Variants in PDZRN3 observed in about 807,000 individuals in gnomAD.
PDZRN3 encodes the protein PDZ domain containing ring finger 3, also known as E3 ubiquitin-protein ligase PDZRN3.
In PDZRN3, 38 loss-of-function variants were observed where a neutral mutation model predicts 85.7. The observed-to-expected ratio is 0.44, with a 90% confidence interval of 0.34 to 0.58. PDZRN3 has a LOEUF of 0.58. Among genes scored for constraint, PDZRN3 ranks in the 20% least tolerant of loss-of-function variants. PDZRN3 has a pLI of 0.01. For synonymous variants in PDZRN3, 759 were observed against 638.0 expected (o/e 1.19, Z -2.86); for missense variants, 1,629 against 1,506.4 (o/e 1.08, Z -1.35).
At chr3:73,440,888 A>T (rs929254256) in intron 3 of PDZRN3, among the ~76,000 whole-genome samples, 1 of 152,102 alleles carries the variant, frequency 6.6e-6, no homozygotes, top group Non-Finnish European at 1.5e-5. Flanking sequence ...GACCAGGGGG[A>T]CGGTTCCTGA....
chr3:73,404,490 AAAAG>A (rs1559660097), intron 3 of PDZRN3, 95 bp from the exon 4 acceptor site: 4 of 1,338,730 alleles, frequency 3.0e-6, no homozygotes, highest in African/African-American at 1.5e-5. Flanking sequence ...GTAAGCAGCT[AAAAG>A]AAAGAAGCAG....
intron 3 of PDZRN3, among the ~76,000 whole-genome samples, chr3:73,489,965 G>T (rs1378183848): frequency 6.6e-6 from 1 of 152,126 alleles, no homozygotes; most frequent in African/African-American, 2.4e-5. Context: ...ACAAAATAAT[G>T]ATCTGATTTT....
intron 3 of PDZRN3, among the ~76,000 whole-genome samples, chr3:73,432,874 T>C (rs952895181): frequency 6.6e-6 from 1 of 152,164 alleles, no homozygotes; most frequent in Non-Finnish European, 1.5e-5. Context: ...AATCCTTACC[T>C]GCCAAGGTAG....
intron 3 of PDZRN3, among the ~76,000 whole-genome samples, chr3:73,417,139 A>C (rs908021321): frequency 1.3e-4 from 20 of 152,030 alleles, no homozygotes; most frequent in Non-Finnish European, 2.8e-4. Context: ...CTGGGATTAC[A>C]GGCATGAGCC....
chr3:73,448,772 C>A (rs1222233379), intron 3 of PDZRN3, among the ~76,000 whole-genome samples: 2 of 152,286 alleles, frequency 1.3e-5, no homozygotes, highest in East Asian at 1.9e-4. Context: ...TTTGTGGCTA[C>A]CCCTGAGGAT....
chr3:73,580,971 C>T (rs975792920), intron 3 of PDZRN3, among the ~76,000 whole-genome samples: 4 of 152,202 alleles, frequency 2.6e-5, no homozygotes, highest in African/African-American at 9.7e-5. Context: ...ACAACTTTGA[C>T]ATAACATACC....
chr3:73,495,753 A>G (rs1475238719), intron 3 of PDZRN3, among the ~76,000 whole-genome samples: 2 of 152,180 alleles, frequency 1.3e-5, no homozygotes, highest in Non-Finnish European at 2.9e-5. Context: ...GACTTTTATG[A>G]TATTGGCAAT....
At chr3:73,401,507 C>T (rs935752040) in intron 4 of PDZRN3, among the ~76,000 whole-genome samples, 8 of 152,044 alleles carry the variant, frequency 5.3e-5, no homozygotes, top group African/African-American at 1.9e-4. Context: ...TGAATGTTAC[C>T]CACAATAATA....
intron 3 of PDZRN3, among the ~76,000 whole-genome samples, chr3:73,500,359 TTTA>T (rs1166207378): frequency 2.0e-5 from 3 of 152,210 alleles, no homozygotes; most frequent in Admixed American, 6.5e-5. Flanking sequence ...GTCCTTATTA[TTTA>T]TTATTATTTT....
At chr3:73,411,813 G>A (rs1422277656) in intron 3 of PDZRN3, among the ~76,000 whole-genome samples, 1 of 152,114 alleles carries the variant, frequency 6.6e-6, no homozygotes, top group African/African-American at 2.4e-5. Flanking sequence ...ATGAGTGTCC[G>A]GAATACTTCA....
chr3:73,560,406 A>G (rs1475386818), intron 3 of PDZRN3, among the ~76,000 whole-genome samples: 1 of 152,186 alleles, frequency 6.6e-6, no homozygotes, highest in Admixed American at 6.5e-5. Context: ...CCCCAACTAT[A>G]TAAGGGTGTG....
rs116147631 is a variant in PDZRN3 at position 73,521,950 on chromosome 3, C to T, written c.918+80404G>A. Among the ~76,000 whole-genome samples the T allele has an allele frequency of 9.9e-3, 1,504 of 152,268 alleles. 23 individuals are homozygous for T. The highest frequency in any genetic ancestry group is 0.034 in the African/African-American group (1,394 of 41,542). The stretch of plus-strand genomic sequence containing the variant: ...TGTAGTGAGCAGGGTTGACAAACTA[C>T]AGCCTGTGAGCCAAATCTGGCCCAT... On this transcript the variant is annotated intron_variant, in intron 3 of 9. Coordinates refer to ENST00000263666, the MANE Select transcript of PDZRN3 (RefSeq NM_015009.3).
At chr3:73,609,712 T>C (rs1474005578) in intron 1 of PDZRN3, among the ~76,000 whole-genome samples, 3 of 152,250 alleles carry the variant, frequency 2.0e-5, no homozygotes, top group African/African-American at 7.2e-5. Flanking sequence ...TGACAGCTTA[T>C]GACAAGAGAG....
intron 3 of PDZRN3, among the ~76,000 whole-genome samples, chr3:73,499,338 G>A (rs1203573277): frequency 6.6e-6 from 1 of 152,164 alleles, no homozygotes; most frequent in Admixed American, 6.5e-5. Flanking sequence ...ACGAGGCCCA[G>A]GCTGGCCCCA....
chr3:73,504,867 ATAAT>A (rs541873495), intron 3 of PDZRN3, among the ~76,000 whole-genome samples: 3 of 152,358 alleles, frequency 2.0e-5, no homozygotes, highest in Non-Finnish European at 2.9e-5. Context: ...AATTAACAAC[ATAAT>A]TGATTGACCT....
chr3:73,497,806 T>TCCCCCCCC (rs138761300), intron 3 of PDZRN3, among the ~76,000 whole-genome samples: 1 of 146,116 alleles, frequency 6.8e-6, no homozygotes, highest in Non-Finnish European at 1.5e-5. Flanking sequence ...GCGCCCCCCG[T>TCCCCCCCC]CCCCGCCCCC....
At chr3:73,390,700 C>T (rs1701505810) in intron 6 of PDZRN3, among the ~76,000 whole-genome samples, 1 of 149,734 alleles carries the variant, frequency 6.7e-6, no homozygotes, top group East Asian at 2.0e-4. Context: ...GTGATTCCAT[C>T]CACCATTCCA....
At chr3:73,618,016 T>G (rs368855867) in intron 1 of PDZRN3, among the ~76,000 whole-genome samples, 1 of 152,352 alleles carries the variant, frequency 6.6e-6, no homozygotes, top group East Asian at 1.9e-4. Context: ...TAAATCTCTT[T>G]CACAGCCAGG....
In PDZRN3 at chr3:73,388,046, G is replaced by A. The variant is rs1213383911; in HGVS notation, c.1440C>T (p.Asn480=). ...TTAGAAGAGCCACAGCCTCTTCACG[G>A]TTCTGCACCTCTATCCCATTAATCT... ...IIQINGIEVQ[N]REEAVALLTS... Residue 480 remains asparagine, a synonymous_variant, in exon 8 of 10, where the codon AAC becomes AAT. Transcript: ENST00000263666. 7.8e-7 allele frequency: 1 copy of A among 1,274,360 alleles called. No individual in the cohort carries two copies. Among genetic ancestry groups the A allele is most frequent in the Non-Finnish European group, 1.1e-6 (1 of 926,510 alleles). The allele number at this position is 1,274,360 out of a possible 1,614,324, so 78.9% of individuals were successfully genotyped here.
Sources: allele counts gnomAD v4.1 joint callset (sites outside exome capture counted in the v4.1 genomes callset), GRCh38; gene constraint gnomAD v4.1.1; transcripts MANE v1.5; gene names NCBI Gene and HGNC (gene_info 2026-07-23, HGNC 2026-07-21).